The following TPCN2 variants were observed in gnomAD, a reference collection of about 807,000 sequenced individuals.
TPCN2 encodes two pore channel protein 2.
Under a neutral mutation model 111.4 loss-of-function variants are expected in TPCN2, and 92 were observed. The observed-to-expected ratio is 0.83, with a 90% CI of 0.70 to 0.98. The LOEUF is 0.98. Among genes scored for constraint, TPCN2 ranks in the 50% least tolerant of loss-of-function variants. The probability of loss-of-function intolerance (pLI) is 0.00; values close to 1 mark genes in which losing one functional copy is unlikely to be tolerated. For missense variants in TPCN2, 995 were observed against 980.1 expected (o/e 1.02, Z -0.20); for synonymous variants, 405 against 414.5 (o/e 0.98, Z 0.28).
rs921869654 is a variant in TPCN2, at chr11:69,071,796, G to A, written c.961-127G>A. 4.9e-6 allele frequency: 4 copies of A among 810,652 alleles called. No homozygotes were observed. In the African/African-American group the frequency reaches 5.2e-5, roughly 10 times the overall value. The allele number at this position is 810,652 out of a possible 1,614,324, so 50.2% of individuals were successfully genotyped here. ...GGGTGAGGGGCTGCCCCCAGGCTGT[G>A]GGGAACTGGGCCCCCCCCCAAGGCT... On this transcript the variant is annotated intron_variant, in intron 10 of 24. Transcript: ENST00000294309.
intron 11 of TPCN2, 133 bp from the exon 12 acceptor site, chr11:69,072,494 C>G: frequency 2.5e-6 from 2 of 800,002 alleles, no homozygotes; most frequent in Non-Finnish European, 2.0e-6. Flanking sequence ...TACAGGGGCT[C>G]TTGGTGTGGC....
Position 69,073,041 on chromosome 11 carries a change from C to T in TPCN2, c.1230+40C>T, listed in dbSNP as rs772440172. ...AGCCGCCCAGGGTGGATAGTGGGGG[C>T]CTTCCAGTTTCCCCTGCCCTTGATC... On this transcript the variant is annotated intron_variant, in intron 13 of 24. Coordinates refer to ENST00000294309, the MANE Select transcript of TPCN2 (RefSeq NM_139075.4). 6.1e-6 allele frequency: 9 copies of T among 1,469,432 alleles called. 1 individual carries two copies. In the South Asian group the frequency reaches 1.0e-4, roughly 17 times the overall value. The allele number at this position is 1,469,432 out of a possible 1,614,324, so 91.0% of individuals were successfully genotyped here.
intron 3 of TPCN2, 83 bp downstream of exon 3, chr11:69,054,880 G>A: frequency 1.4e-6 from 2 of 1,404,962 alleles, no homozygotes; most frequent in East Asian, 2.4e-5. Context: ...GGATCACCTG[G>A]TCTCAGGGTC....
intron 6 of TPCN2, among the ~76,000 whole-genome samples, chr11:69,063,220 A>G (rs570903190): frequency 6.6e-6 from 1 of 151,686 alleles, no homozygotes; most frequent in African/African-American, 2.4e-5. Flanking sequence ...CAGGGCTGCA[A>G]ACACCGCGGC....
intron 5 of TPCN2, among the ~76,000 whole-genome samples, chr11:69,058,828 C>T (rs556122515): frequency 2.0e-5 from 3 of 152,356 alleles, no homozygotes; most frequent in South Asian, 4.1e-4. Flanking sequence ...GCAAAGGGAG[C>T]GAGGATAGCC....
In TPCN2 at chr11:69,069,910, C is replaced by T. The variant is rs575865816; in HGVS notation, c.830-520C>T. The stretch of plus-strand genomic sequence containing the variant: ...CATCCTTGATAGGTAGGGAGTTCCC[C>T]GTCCTGGAGGGTGTGCGAGCAGAGG... On this transcript the variant is annotated intron_variant, in intron 8 of 24. Transcript: ENST00000294309. Among the ~76,000 whole-genome samples the T allele has an allele frequency of 8.5e-5, 13 of 152,228 alleles. No individual in the cohort carries two copies. In the South Asian group the frequency reaches 1.0e-3, roughly 12 times the overall value.
At chr11:69,087,019 G>T (rs1008374576) in intron 23 of TPCN2, 93 bp from the exon 24 acceptor site, 7 of 1,062,388 alleles carry the variant, frequency 6.6e-6, no homozygotes, top group Middle Eastern at 2.7e-4. Context: ...CCCTCAGCGG[G>T]TGCCCTGTGG....
Position 69,077,226 on chromosome 11 carries a change from ATGT to A in TPCN2, c.1231-1255_1231-1253del, listed in dbSNP as rs1565091737. Among the ~76,000 whole-genome samples the A allele has an allele frequency of 2.4e-3, 182 of 74,474 alleles. 6 individuals are homozygous for A. The highest frequency in any genetic ancestry group is 8.5e-3 in the African/African-American group (170 of 19,884). The allele number at this position is 74,474 out of a possible 152,430, so 48.9% of individuals were successfully genotyped here. On this transcript the variant is annotated intron_variant, in intron 13 of 24. Coordinates refer to ENST00000294309, the MANE Select transcript of TPCN2 (RefSeq NM_139075.4). ...ATGTCCCTCCACCTGCCCTCCTGCC[ATGT>A]CCCTCCACCTGCCCTCCTGCCACGT...
intron 8 of TPCN2, among the ~76,000 whole-genome samples, 158 bp from the exon 9 acceptor site, chr11:69,070,272 C>G (rs951762177): frequency 6.6e-6 from 1 of 152,062 alleles, no homozygotes; most frequent in East Asian, 1.9e-4. Flanking sequence ...GTGATCCACC[C>G]GCCTCAGCCT....
Position 69,085,711 on chromosome 11 carries a change from G to C in TPCN2, c.1879G>C (p.Glu627Gln), listed in dbSNP as rs368908999. ...ANGSAPCGSF[E>Q]QLEYWANNFD... is the part of the protein sequence containing the mutation. ...TGGCTCGGCGCCCTGTGGGAGCTTC[G>C]AGCAGCTGGAGTACTGGGCCAACAA... is the stretch of plus-strand genomic sequence containing the variant. Residue 627 changes from glutamate (E) to glutamine (Q), a missense_variant, in exon 21 of 25, where the codon GAG becomes CAG. Glu to Gln is a conservative substitution (Grantham distance 29). Coordinates refer to ENST00000294309, the MANE Select transcript of TPCN2 (RefSeq NM_139075.4). 1.2e-6 allele frequency: 2 copies of C among 1,614,014 alleles called. No individual in the cohort carries two copies. The highest frequency in any genetic ancestry group is 1.3e-5 in the African/African-American group (1 of 75,038).
intron 16 of TPCN2, 148 bp from the exon 17 acceptor site, chr11:69,079,686 C>A: frequency 1.5e-6 from 1 of 658,090 alleles, no homozygotes; most frequent in Non-Finnish European, 2.6e-6. Context: ...CTGGAACCAA[C>A]CCGTGGGGTC....
Position 69,053,948 on chromosome 11 carries a change from G to A in TPCN2, c.110-85G>A, listed in dbSNP as rs936652367. On this transcript the variant is annotated intron_variant, in intron 1 of 24. Transcript: ENST00000294309. Reference sequence around the variant, plus strand: ...AACGGCCTTGGGAAGAACCACAGCCGGCATCTTTCCTTGATCACGGGTATC... The same window carrying A: ...AACGGCCTTGGGAAGAACCACAGCCAGCATCTTTCCTTGATCACGGGTATC... The A allele has an allele frequency of 8.3e-6, 10 of 1,200,868 alleles. No homozygotes were observed. In the African/African-American group the frequency reaches 1.3e-4, roughly 16 times the overall value. The allele number at this position is 1,200,868 out of a possible 1,614,324, so 74.4% of individuals were successfully genotyped here.
At chr11:69,084,622 A>G in intron 19 of TPCN2, 1 of 985,450 alleles carries the variant, frequency 1.0e-6, no homozygotes, top group Non-Finnish European at 1.2e-6. Context: ...CGCCCTTTGC[A>G]GGAAGCCCGG....
chr11:69,062,224 G>A (rs1003377025), intron 5 of TPCN2, among the ~76,000 whole-genome samples: 2 of 152,104 alleles, frequency 1.3e-5, no homozygotes, highest in African/African-American at 2.4e-5. Context: ...AGGGTACCAG[G>A]CTATTCATGA....
chr11:69,085,414 C>G lies in TPCN2; in HGVS notation c.1838+128C>G. On this transcript the variant is annotated intron_variant, in intron 20 of 24. Transcript: ENST00000294309. ...GGGTGTTCTCCCAGTTCCTTCGTCT[C>G]CTCCCTCCACCCCCTTTTCCCGACC... 3 of 945,554 alleles carry G rather than the reference C, an allele frequency of 3.2e-6. No homozygotes were observed. In the African/African-American group the frequency reaches 4.8e-5, roughly 15 times the overall value. The allele number at this position is 945,554 out of a possible 1,614,324, so 58.6% of individuals were successfully genotyped here.
intron 9 of TPCN2, among the ~76,000 whole-genome samples, 186 bp downstream of exon 9, chr11:69,070,681 A>G (rs546926146): frequency 1.4e-5 from 2 of 145,480 alleles, no homozygotes; most frequent in Admixed American, 6.9e-5. Context: ...CACCCGAGGG[A>G]TCCCCCACCC....
intron 18 of TPCN2, chr11:69,083,049 C>T (rs1856111658): frequency 6.9e-6 from 1 of 145,826 alleles, no homozygotes; most frequent in Non-Finnish European, 1.5e-5. Flanking sequence ...GAACTCGTGC[C>T]CGTGTAAGAC....
Position 69,069,082 on chromosome 11 carries a change from A to G in TPCN2, c.830-1348A>G, listed in dbSNP as rs1470390213. Among the ~76,000 whole-genome samples, 39 of 103,740 alleles carry G rather than the reference A, an allele frequency of 3.8e-4. 1 individual carries two copies. Among genetic ancestry groups the G allele is most frequent in the Middle Eastern group, 5.7e-3 (1 of 176 alleles). The allele number at this position is 103,740 out of a possible 152,430, so 68.1% of individuals were successfully genotyped here. ...TGTCTGAGTCCTAGGAAGTGACCAC[A>G]GGGGGAGCAGGACTATCTGAGTCCT... is the stretch of plus-strand genomic sequence containing the variant. On this transcript the variant is annotated intron_variant, in intron 8 of 24. Transcript: ENST00000294309.
At chr11:69,079,633 C>T (rs1855924593) in intron 16 of TPCN2, 1 of 564,744 alleles carries the variant, frequency 1.8e-6, no homozygotes, top group African/African-American at 1.9e-5. Flanking sequence ...TCCCCCGATT[C>T]CTGAGGCCAG....
Sources: allele counts gnomAD v4.1 joint callset (sites outside exome capture counted in the v4.1 genomes callset), GRCh38; gene constraint gnomAD v4.1.1; transcripts MANE v1.5; gene names NCBI Gene and HGNC (gene_info 2026-07-23, HGNC 2026-07-21).